The following NRXN1 variants were observed in gnomAD, a reference collection of about 807,000 sequenced individuals.
NRXN1 encodes the protein neurexin-1.
Under a neutral mutation model 150.9 loss-of-function variants are expected in NRXN1, and 39 were observed. The observed-to-expected ratio is 0.26, with a 90% CI of 0.20 to 0.34. NRXN1 has a LOEUF of 0.34. Among genes scored for constraint, NRXN1 ranks in the 10% least tolerant of loss-of-function variants. The pLI, the probability that NRXN1 is intolerant of heterozygous loss-of-function variation, is 1.00. For missense variants in NRXN1, 1,815 were observed against 1,949.9 expected (o/e 0.93, Z 1.30); for synonymous variants, 924 against 757.0 (o/e 1.22, Z -3.62).
At chr2:50,499,784 C>G (rs192116603) in intron 13 of NRXN1, among the ~76,000 whole-genome samples, 1 of 151,772 alleles carries the variant, frequency 6.6e-6, no homozygotes, top group Non-Finnish European at 1.5e-5. Context: ...TCTGTCTCTA[C>G]TAAAAATACA....
chr2:50,352,309 T>C (rs889893174), intron 17 of NRXN1, among the ~76,000 whole-genome samples: 3 of 152,124 alleles, frequency 2.0e-5, no homozygotes, highest in African/African-American at 7.2e-5. Context: ...TTTCTTCATA[T>C]TACAAAAATC....
intron 15 of NRXN1, among the ~76,000 whole-genome samples, chr2:50,478,077 A>T (rs1179939235): frequency 6.6e-6 from 1 of 152,112 alleles, no homozygotes; most frequent in East Asian, 1.9e-4. Flanking sequence ...CACATAAAGG[A>T]ATATCTGTAG....
chr2:50,582,781 T>C (rs1672490446), intron 8 of NRXN1, among the ~76,000 whole-genome samples: 1 of 152,174 alleles, frequency 6.6e-6, no homozygotes, highest in African/African-American at 2.4e-5. Flanking sequence ...CTTTGATGGC[T>C]TCCAGTTCCC....
chr2:50,611,395 G>T (rs1678104181), intron 8 of NRXN1, among the ~76,000 whole-genome samples: 1 of 152,092 alleles, frequency 6.6e-6, no homozygotes, highest in African/African-American at 2.4e-5. Flanking sequence ...TGGGTCCCCT[G>T]GAAAGGAAAG....
At position 50,752,557 on chromosome 2, in the gene NRXN1, C is replaced by T. The variant is rs571077238; in HGVS notation, c.833-128942G>A. ...TACGTTGTATGGCTAATCAGAATTC[C>T]CATCCTTACCCATGCTCTGAAAAGA... On this transcript the variant is annotated intron_variant, in intron 5 of 22. Transcript: ENST00000401669. 3.3e-5 allele frequency among the ~76,000 whole-genome samples: 5 copies of T among 151,868 alleles called. No individual in the cohort carries two copies. In the East Asian group the frequency reaches 9.7e-4, roughly 30 times the overall value.
At chr2:50,982,795 T>C (rs1172735750) in intron 2 of NRXN1, among the ~76,000 whole-genome samples, 1 of 152,044 alleles carries the variant, frequency 6.6e-6, no homozygotes, top group Non-Finnish European at 1.5e-5. Flanking sequence ...TAATACTAAT[T>C]TTAACCATAC....
chr2:49,982,928 A>C (rs1487366763), intron 21 of NRXN1, among the ~76,000 whole-genome samples: 1 of 152,120 alleles, frequency 6.6e-6, no homozygotes, highest in African/African-American at 2.4e-5. Flanking sequence ...TAATTTTCAC[A>C]TTGTCTCAAG....
chr2:50,518,455 T>G (rs1000530889), intron 12 of NRXN1, among the ~76,000 whole-genome samples: 5 of 151,968 alleles, frequency 3.3e-5, no homozygotes, highest in Admixed American at 3.3e-4. Context: ...ATTCAGTGTT[T>G]GTGTAGTGTT....
At chr2:50,430,040 C>T (rs1253827375) in intron 17 of NRXN1, among the ~76,000 whole-genome samples, 2 of 152,128 alleles carry the variant, frequency 1.3e-5, no homozygotes, top group Non-Finnish European at 2.9e-5. Context: ...CTACCTGACT[C>T]AGCCATTAAA....
At chr2:50,048,195 G>A (rs1410987831) in intron 21 of NRXN1, among the ~76,000 whole-genome samples, 1 of 152,090 alleles carries the variant, frequency 6.6e-6, no homozygotes, top group Non-Finnish European at 1.5e-5. Flanking sequence ...ATTAAGTTCA[G>A]GAGAACATGC....
intron 17 of NRXN1, among the ~76,000 whole-genome samples, chr2:50,383,119 A>C (rs2081085579): frequency 6.6e-6 from 1 of 152,174 alleles, no homozygotes; most frequent in African/African-American, 2.4e-5. Context: ...GTGCAGAATG[A>C]ATTAATGTGA....
At chr2:50,739,393 C>G (rs1156360040) in intron 5 of NRXN1, 1 of 235,130 alleles carries the variant, frequency 4.3e-6, no homozygotes, top group Admixed American at 4.8e-5. Context: ...CTGCACCTAT[C>G]CATTTAAAAA....
intron 17 of NRXN1, among the ~76,000 whole-genome samples, chr2:50,413,987 G>C (rs1191397724): frequency 1.5e-5 from 2 of 136,230 alleles, no homozygotes; most frequent in Admixed American, 1.7e-4. Context: ...CAAAACAATT[G>C]AACTCATGGA....
chr2:50,129,046 G>A (rs1354378524), intron 18 of NRXN1, among the ~76,000 whole-genome samples: 8 of 151,676 alleles, frequency 5.3e-5, no homozygotes, highest in South Asian at 2.1e-4. Flanking sequence ...CAAATCAAAC[G>A]GAAGCAAACT....
At chr2:50,737,830 C>A (rs1380866018) in intron 5 of NRXN1, among the ~76,000 whole-genome samples, 1 of 151,874 alleles carries the variant, frequency 6.6e-6, no homozygotes, top group Non-Finnish European at 1.5e-5. Context: ...CCACCAGTAG[C>A]CCAAAAACAT....
chr2:49,952,201 A>C (rs1674091166), intron 21 of NRXN1, among the ~76,000 whole-genome samples: 2 of 151,982 alleles, frequency 1.3e-5, no homozygotes, highest in Non-Finnish European at 2.9e-5. Context: ...ATCCATCCCA[A>C]ACCATCTTGT....
At chr2:49,927,969 A>C (rs1453350023) in intron 22 of NRXN1, among the ~76,000 whole-genome samples, 1 of 152,162 alleles carries the variant, frequency 6.6e-6, no homozygotes, top group Non-Finnish European at 1.5e-5. Context: ...CTGTTAATGT[A>C]TGTGTATGTC....
intron 18 of NRXN1, among the ~76,000 whole-genome samples, chr2:50,207,895 A>G (rs1324458788): frequency 6.6e-6 from 1 of 152,080 alleles, no homozygotes; most frequent in Non-Finnish European, 1.5e-5. Context: ...GTTTCCATGT[A>G]GAGTAGGAGG....
rs116124653 is a variant in NRXN1 at position 50,176,466 on chromosome 2, G to A, written c.3546+60323C>T. Among the ~76,000 whole-genome samples, 792 of 152,092 alleles carry A rather than the reference G, an allele frequency of 5.2e-3. 6 individuals are homozygous for A. Among genetic ancestry groups the A allele is most frequent in the Middle Eastern group, 0.031 (9 of 292 alleles). On this transcript the variant is annotated intron_variant, in intron 18 of 22. Coordinates refer to ENST00000401669, the MANE Select transcript of NRXN1 (RefSeq NM_001330078.2). ...AGTGTTTAATGGCATGCCTGGCCTCGACTCATTAGATGCCTGTTATCACCT... is the reference window on the plus strand; with the variant it reads ...AGTGTTTAATGGCATGCCTGGCCTCAACTCATTAGATGCCTGTTATCACCT...
Sources: gnomAD v4.1 joint callset for allele counts (sites outside exome capture counted in the v4.1 genomes callset) on GRCh38, gnomAD v4.1.1 for gene constraint, MANE v1.5 for transcripts, NCBI Gene and HGNC (gene_info 2026-07-23, HGNC 2026-07-21) for gene names.